Variants in ERI3 observed in about 807,000 individuals in gnomAD.
ERI3 encodes ERI1 exoribonuclease 3.
In ERI3, 18 loss-of-function variants were observed where a neutral mutation model predicts 44.4. That is an observed-to-expected ratio of 0.41 (90% confidence interval 0.28 to 0.60). The LOEUF is 0.60. ERI3 is among the 20% of genes least tolerant of loss of function. The pLI is 0.36. For synonymous variants in ERI3, 183 were observed against 164.8 expected (o/e 1.11, Z -0.84); for missense variants, 294 against 435.5 (o/e 0.68, Z 2.89).
rs1177759725 is a variant in ERI3, at chr1:44,259,701, C to CAG, written c.832-11664_832-11663insCT. On this transcript the variant is annotated intron_variant, in intron 7 of 8. Transcript: ENST00000372257. ...TACAAAACACACAGACACACACACACACACACACACACACACACACACAAA... is the reference window on the plus strand; with the variant it reads ...TACAAAACACACAGACACACACACACAGACACACACACACACACACACACAAA... Among the ~76,000 whole-genome samples the CAG allele has an allele frequency of 2.0e-5, 3 of 150,956 alleles. No individual in the cohort carries two copies. In the East Asian group the frequency reaches 5.8e-4, roughly 29 times the overall value.
At chr1:44,256,058 G>T (rs1274038424) in intron 7 of ERI3, among the ~76,000 whole-genome samples, 1 of 152,152 alleles carries the variant, frequency 6.6e-6, no homozygotes, top group East Asian at 1.9e-4. Context: ...ATGCTGAGAG[G>T]TTCCTGAGGG....
chr1:44,343,730 G>A (rs756243675), intron 2 of ERI3, among the ~76,000 whole-genome samples: 3 of 152,134 alleles, frequency 2.0e-5, no homozygotes, highest in Non-Finnish European at 4.4e-5. Flanking sequence ...TTTATATAGA[G>A]GTTTTATATC....
intron 7 of ERI3, among the ~76,000 whole-genome samples, chr1:44,282,574 A>G (rs1645310839): frequency 6.6e-6 from 1 of 152,216 alleles, no homozygotes; most frequent in South Asian, 2.1e-4. Context: ...CATAAAGGTC[A>G]GAAAGAGTAC....
intron 6 of ERI3, among the ~76,000 whole-genome samples, chr1:44,303,363 A>G (rs567825730): frequency 6.6e-6 from 1 of 152,234 alleles, no homozygotes; most frequent in Non-Finnish European, 1.5e-5. Context: ...AATGCTTCCT[A>G]AATCTACCTA....
At chr1:44,325,400 T>C (rs1646291726) in intron 3 of ERI3, among the ~76,000 whole-genome samples, 1 of 152,070 alleles carries the variant, frequency 6.6e-6, no homozygotes, top group South Asian at 2.1e-4. Context: ...ATTGCTCAGC[T>C]AGGAACCCCC....
chr1:44,260,710 T>G (rs1644876377), intron 7 of ERI3, among the ~76,000 whole-genome samples: 1 of 152,112 alleles, frequency 6.6e-6, no homozygotes, highest in South Asian at 2.1e-4. Flanking sequence ...GATCTGAAAT[T>G]CATCAGATCT....
At position 44,310,987 on chromosome 1, in the gene ERI3, A is replaced by G. The variant is rs1337071169; in HGVS notation, c.666+2182T>C. On this transcript the variant is annotated intron_variant, in intron 5 of 8. Coordinates refer to ENST00000372257, the MANE Select transcript of ERI3 (RefSeq NM_024066.3). ...CGCACACACACACACACACACACACACACACACACACACACACACACACAC... is the reference window on the plus strand; with the variant it reads ...CGCACACACACACACACACACACACGCACACACACACACACACACACACAC... Among the ~76,000 whole-genome samples, 656 of 150,398 alleles carry G rather than the reference A, an allele frequency of 4.4e-3. 10 individuals are homozygous for G. Among genetic ancestry groups the G allele is most frequent in the Non-Finnish European group, 6.1e-3 (411 of 67,402 alleles).
intron 3 of ERI3, among the ~76,000 whole-genome samples, chr1:44,327,771 CACCCAACAAAGTGGAGGAA>C (rs1646344776): frequency 6.6e-6 from 1 of 152,228 alleles, no homozygotes; most frequent in African/African-American, 2.4e-5. Flanking sequence ...TTCCATCAGT[CACCCAACAAAGTGGAGGAA>C]AGGCATGTGT....
intron 6 of ERI3, among the ~76,000 whole-genome samples, chr1:44,304,191 G>A (rs1335480353): frequency 6.6e-6 from 1 of 152,140 alleles, no homozygotes; most frequent in Non-Finnish European, 1.5e-5. Flanking sequence ...GTGGCGTTTA[G>A]GTGGCAGATG....
intron 8 of ERI3, among the ~76,000 whole-genome samples, chr1:44,239,035 C>CA (rs1644373906): frequency 6.6e-6 from 1 of 151,766 alleles, no homozygotes; most frequent in South Asian, 2.1e-4. Flanking sequence ...GCCCCCTCCC[C>CA]CCCCCAATCC....
chr1:44,300,832 C>T (rs1242904776), intron 6 of ERI3, among the ~76,000 whole-genome samples: 1 of 152,180 alleles, frequency 6.6e-6, no homozygotes, highest in Non-Finnish European at 1.5e-5. Flanking sequence ...GAACTCTCAG[C>T]CCAAGGAGCT....
chr1:44,258,493 T>C (rs1044947428), intron 7 of ERI3, among the ~76,000 whole-genome samples: 5 of 152,176 alleles, frequency 3.3e-5, no homozygotes, highest in Admixed American at 2.0e-4. Flanking sequence ...CATTAGATTG[T>C]TCATGTAACA....
chr1:44,283,327 C>T (rs1478327875), intron 7 of ERI3, among the ~76,000 whole-genome samples: 1 of 152,242 alleles, frequency 6.6e-6, no homozygotes, highest in East Asian at 1.9e-4. Context: ...CAGACTTCAT[C>T]TCTGTGATCC....
chr1:44,239,796 G>A (rs768433868), intron 8 of ERI3, among the ~76,000 whole-genome samples: 30 of 152,140 alleles, frequency 2.0e-4, no homozygotes, highest in Admixed American at 2.6e-4. Context: ...GGAGGGAGAG[G>A]AGGGAGAGGA....
intron 3 of ERI3, chr1:44,322,949 T>C: frequency 1.1e-5 from 16 of 1,423,598 alleles, no homozygotes; most frequent in Admixed American, 2.7e-5. Context: ...ACACAAAGAT[T>C]TGTGACAATG....
At chr1:44,253,959 C>T (rs1206884155) in intron 7 of ERI3, among the ~76,000 whole-genome samples, 1 of 152,190 alleles carries the variant, frequency 6.6e-6, no homozygotes, top group African/African-American at 2.4e-5. Context: ...AGGGATAATA[C>T]AATATTTGTT....
At chr1:44,321,775 G>A (rs1195455788) in intron 3 of ERI3, among the ~76,000 whole-genome samples, 1 of 152,154 alleles carries the variant, frequency 6.6e-6, no homozygotes, top group African/African-American at 2.4e-5. Context: ...TGTTAGCTGG[G>A]CCCACAATGA....
chr1:44,221,395 C>G lies in ERI3; in HGVS notation c.*163G>C. The G allele has an allele frequency of 1.6e-6, 1 of 619,954 alleles. No homozygotes were observed. The highest frequency in any genetic ancestry group is 2.8e-5 in the East Asian group (1 of 35,406). The allele number at this position is 619,954 out of a possible 1,614,324, so 38.4% of individuals were successfully genotyped here. A position where few individuals can be genotyped will look rare whatever the true frequency, so the allele number is the denominator to read the frequency against. ...GAAGGGCCAAGTGGCCAAGCCCTTGCAAGGGCACAAGCCCACGCCAAGGGC... is the reference window on the plus strand; with the variant it reads ...GAAGGGCCAAGTGGCCAAGCCCTTGGAAGGGCACAAGCCCACGCCAAGGGC... On this transcript the variant is annotated 3_prime_UTR_variant, in exon 9 of 9. Transcript: ENST00000372257. The surrounding 1 kb of genome is among the most constrained non-coding windows in gnomAD (Gnocchi z 5.9).
At chr1:44,258,435 AAAG>A (rs1389649538) in intron 7 of ERI3, among the ~76,000 whole-genome samples, 4 of 152,164 alleles carry the variant, frequency 2.6e-5, no homozygotes, top group Non-Finnish European at 4.4e-5. Flanking sequence ...CCCCTGGGAA[AAAG>A]AAGAAGGGTG....
Sources: gnomAD v4.1 joint callset for allele counts (sites outside exome capture counted in the v4.1 genomes callset) on GRCh38, gnomAD v4.1.1 for gene constraint, Gnocchi (gnomAD v3.1) non-coding constraint, MANE v1.5 for transcripts, NCBI Gene and HGNC (gene_info 2026-07-23, HGNC 2026-07-21) for gene names.